The following DNAJB4 variants were observed in gnomAD, a reference collection of about 807,000 sequenced individuals.
DNAJB4 encodes the protein dnaJ homolog subfamily B member 4.
Under a neutral mutation model 26.6 loss-of-function variants are expected in DNAJB4, and 10 were observed. The observed-to-expected ratio is 0.38, with a 90% CI of 0.23 to 0.64. The LOEUF (loss-of-function observed/expected upper bound fraction) is 0.64. Among genes scored for constraint, DNAJB4 ranks in the 30% least tolerant of loss-of-function variants. The pLI is 0.58. For synonymous variants in DNAJB4, 136 were observed against 134.8 expected, an observed-to-expected ratio of 1.01 and a Z score of -0.06; for missense variants, 328 against 408.2, an observed-to-expected ratio of 0.80 and a Z score of 1.69.
At chr1:78,008,166 G>A (rs1194069031) in intron 1 of DNAJB4, among the ~76,000 whole-genome samples, 5 of 152,028 alleles carry the variant, frequency 3.3e-5, no homozygotes. Flanking sequence ...TCCAGCCTTT[G>A]CAACATAGCA....
chr1:77,979,265 T>C, upstream of DNAJB4: 1 of 454,736 alleles, frequency 2.2e-6, no homozygotes, highest in East Asian at 3.4e-5. Context: ...AGAATTTCTT[T>C]TGGCACCTCC....
At chr1:78,008,742 A>G (rs1379079949) in intron 1 of DNAJB4, among the ~76,000 whole-genome samples, 1 of 152,150 alleles carries the variant, frequency 6.6e-6, no homozygotes, top group Non-Finnish European at 1.5e-5. Flanking sequence ...TATGTAATAA[A>G]TCTTTTTAAA....
chr1:77,979,657 C>A (rs1043403043), upstream of DNAJB4: 2 of 152,152 alleles, frequency 1.3e-5, no homozygotes, highest in Admixed American at 6.5e-5. Flanking sequence ...ACAGACTGTC[C>A]GATTTTTTAG....
intron 1 of DNAJB4, among the ~76,000 whole-genome samples, chr1:77,991,019 G>T (rs1014406029): frequency 2.0e-5 from 3 of 152,134 alleles, no homozygotes; most frequent in African/African-American, 7.2e-5. Context: ...GTGGAGATAT[G>T]GGGGGAAGTG....
chr1:78,011,725 C>T (rs1000066176), intron 1 of DNAJB4, among the ~76,000 whole-genome samples: 1 of 151,872 alleles, frequency 6.6e-6, no homozygotes, highest in East Asian at 1.9e-4. Flanking sequence ...CTCAAGTGAT[C>T]CACCCGACTC....
chr1:78,014,257 C>A (rs1660575224), intron 2 of DNAJB4, among the ~76,000 whole-genome samples: 1 of 151,444 alleles, frequency 6.6e-6, no homozygotes, highest in East Asian at 2.0e-4. Flanking sequence ...ACAGGCGCCC[C>A]CCACCACACC....
In DNAJB4 at chr1:78,016,363, C is replaced by A; in HGVS notation, c.*116C>A. On this transcript the variant is annotated 3_prime_UTR_variant, in exon 3 of 3. Coordinates refer to ENST00000370763, the MANE Select transcript of DNAJB4 (RefSeq NM_007034.5). ...AGATGTGTAAATTCTTTTGAGGGTT[C>A]ATTAAATTGCATGAATAGAGACGGG... 2 of 824,272 alleles carry A rather than the reference C, an allele frequency of 2.4e-6. No individual in the cohort carries two copies. Among genetic ancestry groups the A allele is most frequent in the Non-Finnish European group, 1.9e-6 (1 of 537,280 alleles). The allele number at this position is 824,272 out of a possible 1,614,324, so 51.1% of individuals were successfully genotyped here.
chr1:78,010,998 A>G lies in DNAJB4; in HGVS notation c.212-2053A>G, dbSNP rs1401830773. On this transcript the variant is annotated intron_variant, in intron 1 of 2. Coordinates refer to ENST00000370763, the MANE Select transcript of DNAJB4 (RefSeq NM_007034.5). Reference sequence around the variant, plus strand: ...TGCCTTCAAATCACTCACTGTTTGGAGATATTAGAATCTCCTAGCTTAATC... The same window carrying G: ...TGCCTTCAAATCACTCACTGTTTGGGGATATTAGAATCTCCTAGCTTAATC... Among the ~76,000 whole-genome samples, 3 of 152,144 alleles carry G rather than the reference A, an allele frequency of 2.0e-5. No individual in the cohort carries two copies. The East Asian group carries it at 5.8e-4, about 29-fold the overall frequency.
At chr1:78,012,034 C>T (rs1660492181) in intron 1 of DNAJB4, among the ~76,000 whole-genome samples, 1 of 148,780 alleles carries the variant, frequency 6.7e-6, no homozygotes, top group Non-Finnish European at 1.5e-5. Flanking sequence ...TGAAGACCTT[C>T]CAACTGACAT....
At chr1:77,993,129 G>A (rs1659976679) in intron 1 of DNAJB4, among the ~76,000 whole-genome samples, 1 of 152,114 alleles carries the variant, frequency 6.6e-6, no homozygotes, top group Non-Finnish European at 1.5e-5. Context: ...TCCCTCCAGC[G>A]AAGAATAATT....
intron 1 of DNAJB4, among the ~76,000 whole-genome samples, chr1:78,010,431 T>C (rs559031642): frequency 4.6e-5 from 7 of 152,168 alleles, no homozygotes; most frequent in Non-Finnish European, 8.8e-5. Flanking sequence ...GTTATAATTA[T>C]ACTACTAAAA....
chr1:77,990,465 T>C (rs1463603068), intron 1 of DNAJB4, among the ~76,000 whole-genome samples: 1 of 152,168 alleles, frequency 6.6e-6, no homozygotes, highest in Non-Finnish European at 1.5e-5. Context: ...TTTTGGTGAG[T>C]CAAAAATTAA....
At chr1:77,993,486 T>C (rs1319698642) in intron 1 of DNAJB4, among the ~76,000 whole-genome samples, 1 of 152,010 alleles carries the variant, frequency 6.6e-6, no homozygotes, top group African/African-American at 2.4e-5. Context: ...GCTAATTTTT[T>C]TGTATTTTTA....
At chr1:78,013,694 G>T (rs961356931) in intron 2 of DNAJB4, 75 bp downstream of exon 2, 6 of 1,189,350 alleles carry the variant, frequency 5.0e-6, no homozygotes, top group Admixed American at 4.7e-5. Flanking sequence ...CTAGATAATA[G>T]CTAACATTTA....
chr1:78,000,117 A>G (rs544313891), upstream of DNAJB4, among the ~76,000 whole-genome samples: 14 of 152,332 alleles, frequency 9.2e-5, no homozygotes, highest in South Asian at 2.1e-4. Flanking sequence ...AGAAATACCA[A>G]TTGGACAGCT....
chr1:78,000,169 TAAG>T (rs756730661), upstream of DNAJB4, among the ~76,000 whole-genome samples: 45 of 152,116 alleles, frequency 3.0e-4, no homozygotes, highest in Admixed American at 5.9e-4. Context: ...TGCTTATAAA[TAAG>T]AACATTTTGT....
At chr1:77,992,530 G>C (rs1244190415) in intron 1 of DNAJB4, among the ~76,000 whole-genome samples, 1 of 151,934 alleles carries the variant, frequency 6.6e-6, no homozygotes, top group Non-Finnish European at 1.5e-5. Context: ...GAATTAGATG[G>C]GAATGGTCAA....
intron 1 of DNAJB4, among the ~76,000 whole-genome samples, chr1:77,986,082 T>A (rs1659783380): frequency 6.6e-6 from 1 of 152,144 alleles, no homozygotes; most frequent in Non-Finnish European, 1.5e-5. Flanking sequence ...AATTTCCTAG[T>A]GTATGTTAAA....
At chr1:77,990,799 C>G (rs1411445636) in intron 1 of DNAJB4, among the ~76,000 whole-genome samples, 2 of 152,216 alleles carry the variant, frequency 1.3e-5, no homozygotes, top group East Asian at 3.8e-4. Context: ...CTACTTAATC[C>G]TACCTGTTGG....
Sources: gnomAD v4.1 joint callset for allele counts (sites outside exome capture counted in the v4.1 genomes callset) on GRCh38, gnomAD v4.1.1 for gene constraint, MANE v1.5 for transcripts, NCBI Gene and HGNC (gene_info 2026-07-23, HGNC 2026-07-21) for gene names.